Variants in INSYN2B observed in about 807,000 individuals in gnomAD.
INSYN2B encodes the protein protein INSYN2B.
In INSYN2B, 16 loss-of-function variants were observed where a neutral mutation model predicts 41.2. That is an observed-to-expected ratio of 0.39 (90% CI 0.26 to 0.59). The LOEUF (loss-of-function observed/expected upper bound fraction) is 0.59. Among genes scored for constraint, INSYN2B ranks in the 20% least tolerant of loss-of-function variants. INSYN2B has a pLI of 0.57. For synonymous variants in INSYN2B, 245 were observed against 244.4 expected (o/e 1.00, Z -0.02); for missense variants, 608 against 646.4 (o/e 0.94, Z 0.64).
chr5:169,883,628 C>T lies in INSYN2B; in HGVS notation c.271G>A (p.Gly91Ser). ...GTTTGGATTGCAATGTTGCGAAAGC[C>T]CCCTGCCTTCTGGGACCTGGGGAAG... is the stretch of plus-strand genomic sequence containing the variant. Reference protein sequence around the residue: ...LSFPRSQKAGGFRNIAIQTSP... With the variant: ...LSFPRSQKAGSFRNIAIQTSP... Residue 91 changes from glycine (G) to serine (S), a missense_variant, in exon 2 of 4, where the codon GGC (glycine) becomes AGC (serine). Physicochemically the swap from Gly to Ser is moderately conservative, Grantham distance 56 (BLOSUM62 0). Transcript: ENST00000377365. 2 of 1,551,444 alleles carry T rather than the reference C, an allele frequency of 1.3e-6. No homozygotes were observed. Among genetic ancestry groups the T allele is most frequent in the South Asian group, 1.2e-5 (1 of 84,036 alleles).
intron 1 of INSYN2B, among the ~76,000 whole-genome samples, chr5:169,951,397 G>T (rs1776658083): frequency 6.6e-6 from 1 of 152,168 alleles, no homozygotes; most frequent in Non-Finnish European, 1.5e-5. Flanking sequence ...GTCAGGGCTT[G>T]AATCCAGATC....
chr5:169,900,071 T>C (rs926486687), intron 1 of INSYN2B, among the ~76,000 whole-genome samples: 3 of 152,204 alleles, frequency 2.0e-5, no homozygotes, highest in African/African-American at 4.8e-5. Flanking sequence ...ATTTAGCCTT[T>C]CTTCCTTTCC....
At position 169,894,954 on chromosome 5, in the gene INSYN2B, G is replaced by T. The variant is rs368700895; in HGVS notation, c.-918-10138C>A. ...GTTTTGGTGTTGTGGCCCCCCGTGA[G>T]GTCTGCCATTTCTTAAGGGGCCAAG... On this transcript the variant is annotated intron_variant, in intron 1 of 3. Coordinates refer to ENST00000377365, the MANE Select transcript of INSYN2B (RefSeq NM_001129891.3). Among the ~76,000 whole-genome samples the T allele has an allele frequency of 1.7e-3, 252 of 152,290 alleles. 1 individual carries two copies. The highest frequency in any genetic ancestry group is 5.4e-3 in the African/African-American group (224 of 41,560).
At chr5:169,907,527 A>C (rs1774351869) in intron 1 of INSYN2B, among the ~76,000 whole-genome samples, 1 of 152,260 alleles carries the variant, frequency 6.6e-6, no homozygotes, top group Non-Finnish European at 1.5e-5. Flanking sequence ...CCACTTAGCG[A>C]AGACTAGTTG....
chr5:169,888,092 C>A (rs1258266370), intron 1 of INSYN2B, among the ~76,000 whole-genome samples: 1 of 152,174 alleles, frequency 6.6e-6, no homozygotes, highest in African/African-American at 2.4e-5. Flanking sequence ...TGGAAACTCT[C>A]GTATTTTTAG....
chr5:169,918,394 C>T (rs1427039990), intron 1 of INSYN2B, among the ~76,000 whole-genome samples: 2 of 152,180 alleles, frequency 1.3e-5, no homozygotes, highest in East Asian at 1.9e-4. Context: ...AAGGAGGTTA[C>T]TGTAGCACTG....
chr5:169,930,747 G>T (rs371214865), intron 1 of INSYN2B, among the ~76,000 whole-genome samples: 1 of 152,156 alleles, frequency 6.6e-6, no homozygotes, highest in Non-Finnish European at 1.5e-5. Context: ...TTTGAGAGTC[G>T]GGTGGAAGGC....
At chr5:169,881,479 C>T (rs369645680) in intron 2 of INSYN2B, 37 bp from the exon 3 acceptor site, 2 of 1,513,646 alleles carry the variant, frequency 1.3e-6, no homozygotes, top group Admixed American at 2.0e-5. Context: ...AATCTATGGG[C>T]AAAAGTCACG....
chr5:169,884,165 G>C lies in INSYN2B; in HGVS notation c.-267C>G. 3.2e-6 allele frequency: 1 copy of C among 314,152 alleles called. No individual in the cohort carries two copies. Among genetic ancestry groups the C allele is most frequent in the Non-Finnish European group, 5.8e-6 (1 of 172,630 alleles). 19.5% of individuals were successfully genotyped at this position (314,152 alleles called of 1,614,324 possible). Reference sequence around the variant, plus strand: ...CTCCTTGGAAAAACAAATGAGTTAGGCTAACTATTAAACATCTGATCTACC... The same window carrying C: ...CTCCTTGGAAAAACAAATGAGTTAGCCTAACTATTAAACATCTGATCTACC... On this transcript the variant is annotated 5_prime_UTR_variant, in exon 2 of 4. Coordinates refer to ENST00000377365, the MANE Select transcript of INSYN2B (RefSeq NM_001129891.3).
At chr5:169,924,448 T>C (rs913669494) in intron 1 of INSYN2B, among the ~76,000 whole-genome samples, 2 of 152,188 alleles carry the variant, frequency 1.3e-5, no homozygotes, top group African/African-American at 4.8e-5. Flanking sequence ...CATTTCCCTG[T>C]TGTGTTTTCT....
intron 1 of INSYN2B, among the ~76,000 whole-genome samples, chr5:169,952,083 C>T (rs1202551372): frequency 6.6e-6 from 1 of 152,216 alleles, no homozygotes; most frequent in East Asian, 1.9e-4. Flanking sequence ...CCAAGGGTTT[C>T]TCCTACCATT....
intron 1 of INSYN2B, among the ~76,000 whole-genome samples, chr5:169,938,630 G>T (rs1776096264): frequency 6.6e-6 from 1 of 152,212 alleles, no homozygotes; most frequent in Admixed American, 6.5e-5. Context: ...CAGTGAGTAA[G>T]TGGTGAGTAA....
At chr5:169,923,989 C>G (rs919272662) in intron 1 of INSYN2B, among the ~76,000 whole-genome samples, 1 of 152,310 alleles carries the variant, frequency 6.6e-6, no homozygotes, top group South Asian at 2.1e-4. Context: ...GGATTAATAA[C>G]GTTTATCATT....
At chr5:169,865,873 C>G (rs1165709742) in intron 3 of INSYN2B, among the ~76,000 whole-genome samples, 2 of 152,216 alleles carry the variant, frequency 1.3e-5, no homozygotes, top group Non-Finnish European at 2.9e-5. Context: ...GGACATCTGC[C>G]CTTGCTTACT....
chr5:169,959,248 C>T (rs1370289867), intron 1 of INSYN2B, among the ~76,000 whole-genome samples: 1 of 152,002 alleles, frequency 6.6e-6, no homozygotes, highest in African/African-American at 2.4e-5. Flanking sequence ...AAAAAAATAG[C>T]TGGGCGTGGT....
rs546998995 is a variant in INSYN2B at position 169,910,898 on chromosome 5, T to A, written c.-918-26082A>T. Among the ~76,000 whole-genome samples, 65 of 152,332 alleles carry A rather than the reference T, an allele frequency of 4.3e-4. 1 individual carries two copies. The highest frequency in any genetic ancestry group is 1.6e-3 in the African/African-American group (65 of 41,570). The stretch of plus-strand genomic sequence containing the variant: ...TCCTGCAGGGGGTTGGTTAACCATT[T>A]GTCCTCAGAACACTATCCTCACAAG... On this transcript the variant is annotated intron_variant, in intron 1 of 3. Coordinates refer to ENST00000377365, the MANE Select transcript of INSYN2B (RefSeq NM_001129891.3).
At chr5:169,919,004 G>C (rs1405672464) in intron 1 of INSYN2B, among the ~76,000 whole-genome samples, 1 of 152,160 alleles carries the variant, frequency 6.6e-6, no homozygotes. Context: ...CCAGTAACAA[G>C]GGTTATGTTG....
chr5:169,891,423 C>G (rs1773275214), intron 1 of INSYN2B, among the ~76,000 whole-genome samples: 2 of 152,300 alleles, frequency 1.3e-5, no homozygotes, highest in South Asian at 4.1e-4. Flanking sequence ...AGAAATAGAA[C>G]AGAGAAGTTT....
intron 3 of INSYN2B, among the ~76,000 whole-genome samples, chr5:169,868,263 A>G (rs1000457056): frequency 2.0e-5 from 3 of 152,216 alleles, no homozygotes; most frequent in Non-Finnish European, 4.4e-5. Context: ...TGCTTTCAAA[A>G]TGTACTTCTT....
Sources: allele counts gnomAD v4.1 joint callset (sites outside exome capture counted in the v4.1 genomes callset), GRCh38; gene constraint gnomAD v4.1.1; transcripts MANE v1.5; gene names NCBI Gene and HGNC (gene_info 2026-07-23, HGNC 2026-07-21).